Variants in PPP2R1A observed in about 807,000 individuals in gnomAD.
The protein encoded by PPP2R1A is serine/threonine-protein phosphatase 2A 65 kDa regulatory subunit A alpha isoform.
Under a neutral mutation model 67.1 loss-of-function variants are expected in PPP2R1A, and 15 were observed. The ratio of observed to expected loss-of-function variants is 0.22; its 90% CI spans 0.15 to 0.34. The LOEUF is 0.34. PPP2R1A is among the 10% of genes least tolerant of loss of function. The pLI is 1.00. For missense variants in PPP2R1A, 369 were observed against 775.0 expected (o/e 0.48, Z 6.22); for synonymous variants, 337 against 325.0 (o/e 1.04, Z -0.40).
At position 52,226,191 on chromosome 19, in the gene PPP2R1A, G is replaced by A; in HGVS notation, c.*210G>A. The A allele has an allele frequency of 1.4e-6, 1 of 719,800 alleles. No homozygotes were observed. Among genetic ancestry groups the A allele is most frequent in the South Asian group, 1.9e-5 (1 of 52,614 alleles). The allele number at this position is 719,800 out of a possible 1,614,324, so 44.6% of individuals were successfully genotyped here. A position where few individuals can be genotyped will look rare whatever the true frequency, so the allele number is the denominator to read the frequency against. On this transcript the variant is annotated 3_prime_UTR_variant, in exon 15 of 15. Coordinates refer to ENST00000322088, the MANE Select transcript of PPP2R1A (RefSeq NM_014225.6). Reference sequence around the variant, plus strand: ...AACGGGCTAGGGGAGCACGGGGTTGGACAGGACAGTGACCTTGGGAGGAAG... The same window carrying A: ...AACGGGCTAGGGGAGCACGGGGTTGAACAGGACAGTGACCTTGGGAGGAAG...
intron 1 of PPP2R1A, among the ~76,000 whole-genome samples, chr19:52,194,061 G>A (rs748861418): frequency 4.3e-4 from 58 of 133,458 alleles, no homozygotes; most frequent in Non-Finnish European, 7.6e-4. Context: ...TGCGGTGAGA[G>A]CCTGGGCGAC....
rs772983821 is a variant in PPP2R1A at position 52,212,999 on chromosome 19, C to A, written c.696C>A (p.Ala232=). 1.9e-6 allele frequency: 3 copies of A among 1,611,110 alleles called. No homozygotes were observed. In the African/African-American group the frequency reaches 4.0e-5, roughly 22 times the overall value. Residue 232 remains alanine, a synonymous_variant, in exon 6 of 15, where the codon GCC becomes GCA. Coordinates refer to ENST00000322088, the MANE Select transcript of PPP2R1A (RefSeq NM_014225.6). The surrounding 1 kb of genome is among the most constrained non-coding windows in gnomAD (Gnocchi z 4.1). ...CGGTGGAGGCGTGCGTGAACATCGC[C>A]CAGCTTCTGCCCCAGGAGGATCTGG... ...LLAVEACVNI[A]QLLPQEDLEA... is the part of the protein sequence containing the mutation.
intron 3 of PPP2R1A, among the ~76,000 whole-genome samples, chr19:52,208,953 A>G (rs564302404): frequency 6.6e-6 from 1 of 152,280 alleles, no homozygotes; most frequent in South Asian, 2.1e-4. Flanking sequence ...CCCAGACTTC[A>G]CAGAGAGGCT....
intron 3 of PPP2R1A, among the ~76,000 whole-genome samples, chr19:52,210,717 C>T (rs1384952162): frequency 1.3e-5 from 2 of 152,136 alleles, no homozygotes; most frequent in Non-Finnish European, 2.9e-5. Flanking sequence ...TGGTCTTGAA[C>T]TCCTGACCTC....
Position 52,216,080 on chromosome 19 carries a change from A to G in PPP2R1A, c.993+6A>G, listed in dbSNP as rs764232410. 5 of 1,611,114 alleles carry G rather than the reference A, an allele frequency of 3.1e-6. No homozygotes were observed. The highest frequency in any genetic ancestry group is 2.2e-5 in the South Asian group (2 of 91,026). Reference sequence around the variant, plus strand: ...AGATCTTGCCCTGCATCAAGGTAACAGAGAGTTTGATGGGAGGAACCAAGT... The same window carrying G: ...AGATCTTGCCCTGCATCAAGGTAACGGAGAGTTTGATGGGAGGAACCAAGT... On this transcript the variant is annotated splice_donor_region_variant and intron_variant, in intron 8 of 14. Transcript: ENST00000322088. The surrounding 1 kb of genome is among the most constrained non-coding windows in gnomAD (Gnocchi z 4.3).
At chr19:52,190,265 A>C (rs936133585) in intron 1 of PPP2R1A, 91 bp downstream of exon 1, 2 of 1,434,836 alleles carry the variant, frequency 1.4e-6, no homozygotes, top group South Asian at 1.2e-5. Flanking sequence ...GTTCGCTGGG[A>C]GTGGCGGAAG....
chr19:52,223,413 T>A (rs1426193555), intron 13 of PPP2R1A, among the ~76,000 whole-genome samples: 1 of 152,200 alleles, frequency 6.6e-6, no homozygotes, highest in Admixed American at 6.5e-5. Context: ...AATGTAACGC[T>A]GTTTCTCAAA....
At chr19:52,191,084 C>G (rs2089450202) in intron 1 of PPP2R1A, 1 of 152,192 alleles carries the variant, frequency 6.6e-6, no homozygotes, top group African/African-American at 2.4e-5. Context: ...TGGTCGGGAA[C>G]TCTTGACCTC....
intron 1 of PPP2R1A, among the ~76,000 whole-genome samples, chr19:52,197,323 G>A (rs1215320691): frequency 6.6e-6 from 1 of 151,874 alleles, no homozygotes; most frequent in Non-Finnish European, 1.5e-5. Flanking sequence ...TCAAAATTGC[G>A]TTCATTATTA....
rs2122339835 is a variant in PPP2R1A at position 52,213,175 on chromosome 19, T to A, written c.807+65T>A. 1.3e-6 allele frequency: 2 copies of A among 1,486,704 alleles called. No homozygotes were observed. Among genetic ancestry groups the A allele is most frequent in the Non-Finnish European group, 1.8e-6 (2 of 1,125,604 alleles). 92.1% of individuals were successfully genotyped at this position (1,486,704 alleles called of 1,614,324 possible). On this transcript the variant is annotated intron_variant, in intron 6 of 14. Coordinates refer to ENST00000322088, the MANE Select transcript of PPP2R1A (RefSeq NM_014225.6). This position sits in a 1 kb window ranked among gnomAD's most constrained non-coding sequence, Gnocchi z 4.2. ...CACTGACACTCTCAGAAGGGAAGCATATAGGAGCTGAGGTTTCCATTAGGC... is the reference window on the plus strand; with the variant it reads ...CACTGACACTCTCAGAAGGGAAGCAAATAGGAGCTGAGGTTTCCATTAGGC...
At chr19:52,205,227 C>T (rs2089589948) in intron 2 of PPP2R1A, among the ~76,000 whole-genome samples, 1 of 152,174 alleles carries the variant, frequency 6.6e-6, no homozygotes, top group South Asian at 2.1e-4. Context: ...TCAGCAGTTC[C>T]CACTGCCTCA....
In PPP2R1A at chr19:52,212,719, C is replaced by A. The variant is rs201816987; in HGVS notation, c.537C>A (p.Pro179=). ...GGAACCTGTGCTCAGATGACACCCC[C>A]ATGGTGCGGCGGGCCGCAGCCTCCA... ...YFRNLCSDDT[P]MVRRAAASKL... Residue 179 remains proline (P), a synonymous_variant, in exon 5 of 15, where the codon CCC becomes CCA. Coordinates refer to ENST00000322088, the MANE Select transcript of PPP2R1A (RefSeq NM_014225.6). This position sits in a 1 kb window ranked among gnomAD's most constrained non-coding sequence, Gnocchi z 4.1. 5 of 1,614,102 alleles carry A rather than the reference C, an allele frequency of 3.1e-6. No homozygotes were observed. The highest frequency in any genetic ancestry group is 4.2e-6 in the Non-Finnish European group (5 of 1,180,046).
At position 52,215,641 on chromosome 19, in the gene PPP2R1A, C is replaced by A. The variant is rs546611960; in HGVS notation, c.808-138C>A. ...TTGCCCCGGGGCCAGTCTTGGCACT[C>A]GAATTAGATTTTAGCACTGCTTCCA... On this transcript the variant is annotated intron_variant, in intron 6 of 14. Transcript: ENST00000322088. 18 of 672,128 alleles carry A rather than the reference C, an allele frequency of 2.7e-5. No homozygotes were observed. The African/African-American group carries it at 2.9e-4, about 11-fold the overall frequency. The allele number at this position is 672,128 out of a possible 1,614,324, so 41.6% of individuals were successfully genotyped here.
At chr19:52,201,123 T>C (rs1469851985) in intron 1 of PPP2R1A, 1 of 150,736 alleles carries the variant, frequency 6.6e-6, no homozygotes, top group East Asian at 1.9e-4. Context: ...CGTCACTGGA[T>C]TCAAGGCTAA....
At chr19:52,208,530 C>T (rs961150673) in intron 3 of PPP2R1A, among the ~76,000 whole-genome samples, 1 of 150,508 alleles carries the variant, frequency 6.6e-6, no homozygotes, top group Non-Finnish European at 1.5e-5. Context: ...GACAGAGTCT[C>T]GCTCTGTCAC....
Position 52,216,120 on chromosome 19 carries a change from C to T in PPP2R1A, c.993+46C>T. ...AGGAACCAAGTGGATCCGAGCCTGC[C>T]AAAAAGAGGGGCTGGAGACAAGGCT... On this transcript the variant is annotated intron_variant, in intron 8 of 14. Coordinates refer to ENST00000322088, the MANE Select transcript of PPP2R1A (RefSeq NM_014225.6). The surrounding 1 kb of genome is among the most constrained non-coding windows in gnomAD (Gnocchi z 4.3). 1 of 1,569,466 alleles carries T rather than the reference C, an allele frequency of 6.4e-7. No individual in the cohort carries two copies. The highest frequency in any genetic ancestry group is 8.8e-7 in the Non-Finnish European group (1 of 1,140,518).
chr19:52,193,111 CT>C (rs1206675921), intron 1 of PPP2R1A, among the ~76,000 whole-genome samples: 7 of 152,228 alleles, frequency 4.6e-5, no homozygotes, highest in Non-Finnish European at 7.3e-5. Context: ...CACAATCACT[CT>C]TTGAAGTAGG....
At position 52,212,406 on chromosome 19, in the gene PPP2R1A, G is replaced by A. The variant is rs1346572669; in HGVS notation, c.504-280G>A. On this transcript the variant is annotated intron_variant, in intron 4 of 14. Transcript: ENST00000322088. This position sits in a 1 kb window ranked among gnomAD's most constrained non-coding sequence, Gnocchi z 4.1. Reference sequence around the variant, plus strand: ...GGCTCGTTGGTTAAGCAATTTTTATGGGAATGATGTAATCGTCAGCACTTA... The same window carrying A: ...GGCTCGTTGGTTAAGCAATTTTTATAGGAATGATGTAATCGTCAGCACTTA... 6 of 431,694 alleles carry A rather than the reference G, an allele frequency of 1.4e-5. No individual in the cohort carries two copies. Among genetic ancestry groups the A allele is most frequent in the Middle Eastern group, 6.4e-4 (1 of 1,552 alleles). 26.7% of individuals were successfully genotyped at this position (431,694 alleles called of 1,614,324 possible). A position where few individuals can be genotyped will look rare whatever the true frequency, so the allele number is the denominator to read the frequency against.
At position 52,219,516 on chromosome 19, in the gene PPP2R1A, A is replaced by G. The variant is rs1478803424; in HGVS notation, c.1129-175A>G. On this transcript the variant is annotated intron_variant, in intron 9 of 14. Transcript: ENST00000322088. This position sits in a 1 kb window ranked among gnomAD's most constrained non-coding sequence, Gnocchi z 4.0. ...AAAAATCTGCTTAAGTTAGTGATCC[A>G]TGCTGCTTGCTTTTTGTGTGCCGTT... 6.6e-6 allele frequency among the ~76,000 whole-genome samples: 1 copy of G among 152,204 alleles called. No individual in the cohort carries two copies. The highest frequency in any genetic ancestry group is 1.5e-5 in the Non-Finnish European group (1 of 68,048).
Sources: allele counts gnomAD v4.1 joint callset (sites outside exome capture counted in the v4.1 genomes callset), GRCh38; gene constraint gnomAD v4.1.1; non-coding constraint Gnocchi (gnomAD v3.1); transcripts MANE v1.5; gene names NCBI Gene and HGNC (gene_info 2026-07-23, HGNC 2026-07-21).